The following DACT2 variants were observed in gnomAD, a reference collection of about 807,000 sequenced individuals.
The protein encoded by DACT2 is dapper homolog 2.
DACT2 carries 20 observed loss-of-function variants against 22.2 expected under a neutral mutation model. That is an observed-to-expected ratio of 0.90 (90% confidence interval 0.63 to 1.31). The LOEUF (loss-of-function observed/expected upper bound fraction) is 1.31. DACT2 is among the 50% of genes most tolerant of loss of function. DACT2 has a pLI of 0.00. For missense variants in DACT2, 1,048 were observed against 1,061.4 expected, an observed-to-expected ratio of 0.99 and a Z score of 0.18; for synonymous variants, 463 against 479.8, an observed-to-expected ratio of 0.96 and a Z score of 0.46.
At chr6:168,314,349 A>T (rs1309060382) in intron 1 of DACT2, among the ~76,000 whole-genome samples, 1 of 152,138 alleles carries the variant, frequency 6.6e-6, no homozygotes, top group Non-Finnish European at 1.5e-5. Context: ...GGCCTGGTAT[A>T]AAGGCGCTCA....
In DACT2 at chr6:168,308,125, G is replaced by C. The variant is rs370614642; in HGVS notation, c.1632C>G (p.Gly544=). 6.5e-7 allele frequency: 1 copy of C among 1,548,238 alleles called. No homozygotes were observed. Among genetic ancestry groups the C allele is most frequent in the South Asian group, 1.2e-5 (1 of 83,840 alleles). ...CCAGGGCTGGCCTCCGCTGGAGCCC[G>C]CCCCTCCCTGTGGGCCAGTGGGCAG... ...WDPAHWPTGR[G]GLQRRPALAW... Residue 544 remains glycine (G), a synonymous_variant, in exon 4 of 4, where the codon GGC becomes GGG. Coordinates refer to ENST00000366795, the MANE Select transcript of DACT2 (RefSeq NM_214462.5).
At chr6:168,318,421 G>A (rs577087853) in intron 1 of DACT2, among the ~76,000 whole-genome samples, 1 of 152,350 alleles carries the variant, frequency 6.6e-6, no homozygotes, top group South Asian at 2.1e-4. Flanking sequence ...CTGGCTGAGC[G>A]AGCGAGGCAG....
chr6:168,307,296 G>C lies in DACT2; in HGVS notation c.*136C>G, dbSNP rs909284784. The C allele has an allele frequency of 3.1e-5, 46 of 1,469,450 alleles. No individual in the cohort carries two copies. Among genetic ancestry groups the C allele is most frequent in the Non-Finnish European group, 4.0e-5 (44 of 1,111,898 alleles). 91.0% of individuals were successfully genotyped at this position (1,469,450 alleles called of 1,614,324 possible). On this transcript the variant is annotated 3_prime_UTR_variant, in exon 4 of 4. Coordinates refer to ENST00000366795, the MANE Select transcript of DACT2 (RefSeq NM_214462.5). The surrounding 1 kb of genome is among the most constrained non-coding windows in gnomAD (Gnocchi z 5.3). Reference sequence around the variant, plus strand: ...ACTCCACAGGGCAGAACCCATCTGCGGGGACTCCTGTTAAACGGTGGCCTC... The same window carrying C: ...ACTCCACAGGGCAGAACCCATCTGCCGGGACTCCTGTTAAACGGTGGCCTC...
At position 168,319,548 on chromosome 6, in the gene DACT2, AGCCCCGCGAAC is replaced by A; in HGVS notation, c.75_85del (p.Phe26AlafsTer75). 1 of 1,376,458 alleles carries A rather than the reference AGCCCCGCGAAC, an allele frequency of 7.3e-7. No homozygotes were observed. The highest frequency in any genetic ancestry group is 1.5e-5 in the South Asian group (1 of 64,676). 85.3% of individuals were successfully genotyped at this position (1,376,458 alleles called of 1,614,324 possible). A position where few individuals can be genotyped will look rare whatever the true frequency, so the allele number is the denominator to read the frequency against. ...GGCTCGCAGCCCCTGCAGCTCCTGC[AGCCCCGCGAAC>A]GCCGCGCGCAACCTCGCGCCCAACC... On this transcript the variant is annotated frameshift_variant, in exon 1 of 4. Transcript: ENST00000366795. LOFTEE classifies it high-confidence loss of function.
In DACT2 at chr6:168,294,571, GTGTGTGTATATA is replaced by G; in HGVS notation, c.730+50_730+61del. On this transcript the variant is annotated intron_variant, in intron 4 of 5. Transcript: ENST00000366796. Reference sequence around the variant, plus strand: ...TATGTGTGTGTGTGTATGTGTGTGTGTGTGTGTATATATATATATATATATATATATACACAT... The same window carrying G: ...TATGTGTGTGTGTGTATGTGTGTGTGTATATATATATATATATATACACAT... The G allele has an allele frequency of 1.4e-5, 7 of 514,892 alleles. No homozygotes were observed. The East Asian group carries it at 1.4e-4, about 10-fold the overall frequency. The allele number at this position is 514,892 out of a possible 1,614,324, so 31.9% of individuals were successfully genotyped here.
chr6:168,308,435 G>A lies in DACT2; in HGVS notation c.1322C>T (p.Ser441Phe). ...TGTCTGCTGGGCCTTTGAGCTGGGA[G>A]AAGCCTGCACCATGGTCTCCCTGAG... ...CVLRETMVQA[S>F]PSSKAQQTPS... Residue 441 changes from serine to phenylalanine, a missense_variant, in exon 4 of 4, where the codon TCT becomes TTT. Coordinates refer to ENST00000366795, the MANE Select transcript of DACT2 (RefSeq NM_214462.5). 6.4e-7 allele frequency: 1 copy of A among 1,551,692 alleles called. No individual in the cohort carries two copies. The highest frequency in any genetic ancestry group is 8.7e-7 in the Non-Finnish European group (1 of 1,146,978).
At chr6:168,309,357 A>G (rs1306079356) in intron 3 of DACT2, among the ~76,000 whole-genome samples, 5 of 69,324 alleles carry the variant, frequency 7.2e-5, no homozygotes, top group East Asian at 1.6e-3. Context: ...GCAGGGCCTC[A>G]TTTGCATTTA....
At chr6:168,300,901 G>A (rs1385318905) in intron 3 of DACT2, among the ~76,000 whole-genome samples, 2 of 152,110 alleles carry the variant, frequency 1.3e-5, no homozygotes, top group African/African-American at 2.4e-5. Flanking sequence ...CTGGAGAATC[G>A]CTTGAACCTG....
At chr6:168,306,806 C>T (rs571391046), downstream of DACT2, 2 of 869,162 alleles carry the variant, frequency 2.3e-6, no homozygotes, top group South Asian at 5.3e-5. Flanking sequence ...TTATAAGATG[C>T]CTTCCCCGCC....
intron 1 of DACT2, among the ~76,000 whole-genome samples, chr6:168,312,555 T>A (rs1290122344): frequency 6.6e-6 from 1 of 152,230 alleles, no homozygotes; most frequent in Non-Finnish European, 1.5e-5. Context: ...TCTCCTGGCC[T>A]CAGCTTCCCC....
downstream of DACT2, among the ~76,000 whole-genome samples, chr6:168,302,864 C>T (rs556343994): frequency 1.8e-3 from 279 of 152,262 alleles, 1 homozygote; most frequent in African/African-American, 6.3e-3. Flanking sequence ...GCCCATGTGA[C>T]GTGATTGAGG....
At chr6:168,300,986 A>AAAAC (rs147606058) in intron 3 of DACT2, among the ~76,000 whole-genome samples, 38 of 151,926 alleles carry the variant, frequency 2.5e-4, no homozygotes, top group Admixed American at 5.9e-4. Context: ...TCTGTCTCAA[A>AAAAC]AAACAAACAA....
At position 168,308,572 on chromosome 6, in the gene DACT2, G is replaced by C; in HGVS notation, c.1185C>G (p.Ser395Arg). 1.9e-6 allele frequency: 3 copies of C among 1,548,506 alleles called. No homozygotes were observed. The highest frequency in any genetic ancestry group is 1.2e-5 in the South Asian group (1 of 84,060). Residue 395 changes from serine (S) to arginine (R), a missense_variant, in exon 4 of 4, where the codon AGC (serine) becomes AGG (arginine). Coordinates refer to ENST00000366795, the MANE Select transcript of DACT2 (RefSeq NM_214462.5). ...GGGGCCCGCCCCTGCCGGCACCCCT[G>C]CTCTGAGCTGGCCCTCCCTCGTCCT... ...GREDEGGPAQ[S>R]RGAGRGGPQQ...
chr6:168,299,316 T>G lies in DACT2; in HGVS notation c.659-4612A>C, dbSNP rs1779061499. On this transcript the variant is annotated intron_variant, in intron 3 of 5. Transcript: ENST00000366796. ...TTCCTTCCACATGCTTGGTGTCAGC[T>G]CTTCTAAGCACCTGTGCTTCTGTGA... is the stretch of plus-strand genomic sequence containing the variant. The G allele has an allele frequency of 2.6e-5, 4 of 152,140 alleles. No individual in the cohort carries two copies. The South Asian group carries it at 8.3e-4, about 32-fold the overall frequency. The allele number at this position is 152,140 out of a possible 1,614,324, so 9.4% of individuals were successfully genotyped here.
At chr6:168,309,415 T>TTGCGTGTAGACACAGGGTGCGGGGCCGTG (rs1463708524) in intron 3 of DACT2, among the ~76,000 whole-genome samples, 3 of 151,310 alleles carry the variant, frequency 2.0e-5, no homozygotes, top group African/African-American at 4.8e-5. Context: ...ACAGGGCCGT[T>TTGCGTGTAGACACAGGGTGCGGGGCCGTG]TGCGTGTAGA....
intron 3 of DACT2, among the ~76,000 whole-genome samples, chr6:168,309,818 T>A (rs1779347906): frequency 6.6e-6 from 1 of 152,072 alleles, no homozygotes; most frequent in South Asian, 2.1e-4. Flanking sequence ...GCGGGTGGGA[T>A]CCAGGTGTGA....
intron 1 of DACT2, among the ~76,000 whole-genome samples, chr6:168,319,004 A>G (rs1044135674): frequency 4.6e-5 from 7 of 152,006 alleles, no homozygotes; most frequent in Non-Finnish European, 1.0e-4. Flanking sequence ...CAGGATCCCG[A>G]GCCGACCTCC....
At chr6:168,309,147 T>C (rs1299279608) in intron 3 of DACT2, 49 bp from the exon 4 acceptor site, 2 of 1,457,358 alleles carry the variant, frequency 1.4e-6, no homozygotes, top group East Asian at 2.5e-5. Flanking sequence ...GACGATTTAG[T>C]GCACTGTTGA....
Position 168,308,824 on chromosome 6 carries a change from G to A in DACT2, c.933C>T (p.Pro311=), listed in dbSNP as rs201471118. Reference sequence around the variant, plus strand: ...CAGTCTGGATGGTGTTCAGACCTGCGGGGCCCCTGGGGCTCTCCCTAGGGA... The same window carrying A: ...CAGTCTGGATGGTGTTCAGACCTGCAGGGCCCCTGGGGCTCTCCCTAGGGA... ...PSFPRESPRG[P]AGLNTIQTGP... Residue 311 remains proline (P), a synonymous_variant, in exon 4 of 4, where the codon CCC becomes CCT. Coordinates refer to ENST00000366795, the MANE Select transcript of DACT2 (RefSeq NM_214462.5). The A allele has an allele frequency of 2.1e-5, 33 of 1,551,156 alleles. No individual in the cohort carries two copies. The highest frequency in any genetic ancestry group is 9.8e-5 in the Admixed American group (5 of 50,978).
Sources: allele counts gnomAD v4.1 joint callset (sites outside exome capture counted in the v4.1 genomes callset), GRCh38; gene constraint gnomAD v4.1.1; non-coding constraint Gnocchi (gnomAD v3.1); transcripts MANE v1.5; gene names NCBI Gene and HGNC (gene_info 2026-07-23, HGNC 2026-07-21).